The following FER1L6 variants were observed in gnomAD, a reference collection of about 807,000 sequenced individuals.
The protein encoded by FER1L6 is fer-1 like family member 6.
FER1L6 carries 177 observed loss-of-function variants against 219.2 expected under a neutral mutation model. That is an observed-to-expected ratio of 0.81 (90% CI 0.71 to 0.91). The LOEUF (loss-of-function observed/expected upper bound fraction) is 0.91, where lower values mean the gene tolerates loss of function less well. Ranked by LOEUF, FER1L6 falls within the 40% of genes least tolerant of loss-of-function variation. The pLI is 0.00. For missense variants in FER1L6, 2,153 were observed against 2,259.9 expected (o/e 0.95, Z 0.96); for synonymous variants, 768 against 824.3 (o/e 0.93, Z 1.17).
At chr8:123,984,436 G>T (rs1389547786) in intron 11 of FER1L6, 1 of 152,206 alleles carries the variant, frequency 6.6e-6, no homozygotes, top group African/African-American at 2.4e-5. Context: ...TAGCGACAGA[G>T]TCTTGCTATG....
chr8:124,036,658 T>C (rs754081733), intron 19 of FER1L6, among the ~76,000 whole-genome samples: 9 of 152,066 alleles, frequency 5.9e-5, no homozygotes, highest in Non-Finnish European at 1.2e-4. Flanking sequence ...TAGGAAAAAA[T>C]AGGAACCTCA....
At chr8:123,957,467 C>T (rs2130138692) in intron 2 of FER1L6, among the ~76,000 whole-genome samples, 1 of 152,244 alleles carries the variant, frequency 6.6e-6, no homozygotes, top group East Asian at 1.9e-4. Flanking sequence ...CCCTCTAGGA[C>T]CTTGTGAACA....
intron 14 of FER1L6, among the ~76,000 whole-genome samples, chr8:124,011,810 C>T (rs1330032096): frequency 1.3e-5 from 2 of 152,258 alleles, no homozygotes; most frequent in South Asian, 2.1e-4. Flanking sequence ...TCCTTTGGAC[C>T]TCTTATCATA....
intron 13 of FER1L6, among the ~76,000 whole-genome samples, chr8:124,004,399 G>A (rs543935002): frequency 1.3e-5 from 2 of 152,068 alleles, no homozygotes; most frequent in African/African-American, 2.4e-5. Flanking sequence ...TTTTGTATGC[G>A]AAGAGAATGA....
At chr8:124,009,663 G>C (rs74700335) in intron 13 of FER1L6, among the ~76,000 whole-genome samples, 4,690 of 152,250 alleles carry the variant, frequency 0.031, 212 homozygotes, top group East Asian at 0.11. Flanking sequence ...GGGTGGAACT[G>C]GTGCTGCCTT....
Position 124,118,862 on chromosome 8 carries a change from T to C in FER1L6, c.5308T>C (p.Phe1770Leu). The change falls in exon 40 of 41, where the codon TTC (phenylalanine) becomes CTC (leucine). Residue 1770 changes from phenylalanine to leucine, a missense_variant. Coordinates refer to ENST00000522917, the MANE Select transcript of FER1L6 (RefSeq NM_001039112.2). The part of the protein sequence containing the change: ...KELTGKVEAE[F>L]HLVTAEEAEK... ...TTTGCAGGGCAAGGTTGAAGCTGAG[T>C]TCCACCTAGTTACAGCAGAAGAAGC... 6.2e-6 allele frequency: 10 copies of C among 1,613,978 alleles called. No homozygotes were observed. The highest frequency in any genetic ancestry group is 4.5e-5 in the East Asian group (2 of 44,870).
chr8:123,857,170 T>G lies in FER1L6; in HGVS notation c.-8+4985T>G, dbSNP rs80196562. Reference sequence around the variant, plus strand: ...TCATTGTTCTCTGTGATTTTAGTTATTAGAATGTTTTGTTTTGGTGATCAT... The same window carrying G: ...TCATTGTTCTCTGTGATTTTAGTTAGTAGAATGTTTTGTTTTGGTGATCAT... On this transcript the variant is annotated intron_variant, in intron 1 of 40. Transcript: ENST00000522917. 3.9e-3 allele frequency among the ~76,000 whole-genome samples: 590 copies of G among 152,304 alleles called. 3 individuals are homozygous for G. Among genetic ancestry groups the G allele is most frequent in the African/African-American group, 0.013 (552 of 41,572 alleles).
chr8:123,967,363 A>G (rs890091740), intron 5 of FER1L6, among the ~76,000 whole-genome samples: 2 of 152,162 alleles, frequency 1.3e-5, no homozygotes, highest in African/African-American at 4.8e-5. Context: ...TCCCTGTGGG[A>G]GGTACAGCTC....
At position 124,112,213 on chromosome 8, in the gene FER1L6, G is replaced by A. The variant is rs545707659; in HGVS notation, c.5290-6631G>A. On this transcript the variant is annotated intron_variant, in intron 39 of 40. Transcript: ENST00000522917. ...TTCTTTGAAGCCAGCATTCAAACATGGCTGTCTGGTTTTAGTTGCTGGCAG... is the reference window on the plus strand; with the variant it reads ...TTCTTTGAAGCCAGCATTCAAACATAGCTGTCTGGTTTTAGTTGCTGGCAG... 7.9e-5 allele frequency among the ~76,000 whole-genome samples: 12 copies of A among 152,278 alleles called. No individual in the cohort carries two copies. The South Asian group carries it at 2.3e-3, about 29-fold the overall frequency.
intron 20 of FER1L6, among the ~76,000 whole-genome samples, chr8:124,044,265 T>C (rs114088105): frequency 1.2e-4 from 19 of 152,380 alleles, no homozygotes; most frequent in African/African-American, 4.6e-4. Flanking sequence ...TTTTAACTTC[T>C]GTTATTAGTT....
rs368591561 is a variant in FER1L6 at position 123,976,006 on chromosome 8, G to A, written c.792G>A (p.Ala264=). Residue 264 remains alanine, a synonymous_variant, in exon 9 of 41, where the codon GCG becomes GCA. Coordinates refer to ENST00000522917, the MANE Select transcript of FER1L6 (RefSeq NM_001039112.2). ...GLPKMNSSIM[A]NVTKAFVGDS... Reference sequence around the variant, plus strand: ...CCAAAATGAATTCAAGCATCATGGCGAACGTCACCAAGGCATTTGTGGGTG... The same window carrying A: ...CCAAAATGAATTCAAGCATCATGGCAAACGTCACCAAGGCATTTGTGGGTG... 6.4e-5 allele frequency: 103 copies of A among 1,614,064 alleles called. No homozygotes were observed. The highest frequency in any genetic ancestry group is 8.0e-5 in the African/African-American group (6 of 75,036).
intron 39 of FER1L6, among the ~76,000 whole-genome samples, chr8:124,109,018 G>A (rs1454859835): frequency 6.6e-6 from 1 of 152,202 alleles, no homozygotes; most frequent in Non-Finnish European, 1.5e-5. Context: ...TTGTTTTAAA[G>A]ATTTGAAATG....
intron 1 of FER1L6, among the ~76,000 whole-genome samples, chr8:123,954,339 A>G (rs1292480636): frequency 2.0e-5 from 3 of 152,230 alleles, no homozygotes; most frequent in East Asian, 3.9e-4. Context: ...CTCTGCTTGC[A>G]TGCCTCCAGG....
At chr8:124,056,147 A>G (rs1161656351) in intron 22 of FER1L6, among the ~76,000 whole-genome samples, 1 of 152,146 alleles carries the variant, frequency 6.6e-6, no homozygotes, top group Non-Finnish European at 1.5e-5. Flanking sequence ...CCTTTTTGCC[A>G]TTTAAGGTAA....
chr8:123,865,686 A>G (rs200923318), intron 1 of FER1L6, among the ~76,000 whole-genome samples: 1 of 150,876 alleles, frequency 6.6e-6, no homozygotes, highest in Non-Finnish European at 1.5e-5. Flanking sequence ...TCTCGTGGTG[A>G]GCCGTTTTTT....
intron 7 of FER1L6, 49 bp from the exon 8 acceptor site, chr8:123,975,101 C>T: frequency 2.7e-6 from 4 of 1,487,846 alleles, no homozygotes; most frequent in Non-Finnish European, 3.6e-6. Flanking sequence ...AGGGGTGGGG[C>T]TGCTGGGCCC....
chr8:123,939,474 A>G (rs1160160116), intron 1 of FER1L6, among the ~76,000 whole-genome samples: 1 of 152,194 alleles, frequency 6.6e-6, no homozygotes, highest in African/African-American at 2.4e-5. Context: ...TTCGGGGAGC[A>G]TAAAGGGGAA....
At chr8:124,028,928 C>G (rs941149937) in intron 18 of FER1L6, among the ~76,000 whole-genome samples, 4 of 152,142 alleles carry the variant, frequency 2.6e-5, no homozygotes, top group African/African-American at 9.7e-5. Context: ...CTAATGGTCT[C>G]CCTCCCCTTG....
At chr8:123,901,636 T>C (rs568628695) in intron 1 of FER1L6, among the ~76,000 whole-genome samples, 3 of 152,222 alleles carry the variant, frequency 2.0e-5, no homozygotes, top group African/African-American at 7.2e-5. Context: ...TGTAGGTGTG[T>C]AGGGCCATGA....
Sources: allele counts gnomAD v4.1 joint callset (sites outside exome capture counted in the v4.1 genomes callset), GRCh38; gene constraint gnomAD v4.1.1; transcripts MANE v1.5; gene names NCBI Gene and HGNC (gene_info 2026-07-23, HGNC 2026-07-21).